Variants in CLTA observed in about 807,000 individuals in gnomAD.
CLTA encodes the protein clathrin, light polypeptide (Lca).
CLTA carries 9 observed loss-of-function variants against 26.9 expected under a neutral mutation model. The ratio of observed to expected loss-of-function variants is 0.33; its 90% CI spans 0.20 to 0.58. The LOEUF (loss-of-function observed/expected upper bound fraction) is 0.58, where lower values mean the gene tolerates loss of function less well. Ranked by LOEUF, CLTA falls within the 20% of genes least tolerant of loss-of-function variation. CLTA has a pLI of 0.85. For synonymous variants in CLTA, 120 were observed against 115.5 expected, an observed-to-expected ratio of 1.04 and a Z score of -0.25; for missense variants, 278 against 294.2, an observed-to-expected ratio of 0.94 and a Z score of 0.40.
intron 4 of CLTA, among the ~76,000 whole-genome samples, chr9:36,208,836 T>A (rs1271486062): frequency 6.6e-6 from 1 of 152,212 alleles, no homozygotes; most frequent in Non-Finnish European, 1.5e-5. Context: ...TCCTGAATGC[T>A]GCCACTGTGG....
chr9:36,199,036 T>A lies in CLTA; in HGVS notation c.313T>A (p.Ser105Thr), dbSNP rs1382617447. The A allele has an allele frequency of 6.2e-7, 1 of 1,614,086 alleles. No homozygotes were observed. The highest frequency in any genetic ancestry group is 1.1e-5 in the South Asian group (1 of 91,088). ...TATTTCACAAGTGGATCGATTGCAG[T>A]CAGAGCCTGAAAGTATCCGTAAATG... ...AAISQVDRLQSEPESIRKWRE... is the reference protein window; with the variant it reads ...AAISQVDRLQTEPESIRKWRE... The change falls in exon 3 of 5, where the codon TCA (serine) becomes ACA (threonine). Residue 105 changes from serine (S) to threonine (T), a missense_variant. Transcript: ENST00000345519.
At chr9:36,194,069 A>G (rs1257339775) in intron 1 of CLTA, among the ~76,000 whole-genome samples, 2 of 152,192 alleles carry the variant, frequency 1.3e-5, no homozygotes, top group Non-Finnish European at 1.5e-5. Context: ...TCTGTCACCC[A>G]GGCTGGAGTG....
At position 36,191,241 on chromosome 9, in the gene CLTA, C is replaced by A; in HGVS notation, c.185C>A (p.Pro62His). ...FAILDGGAPG[P>H]QPHGEPPGGP... ...ATCCTGGACGGCGGCGCCCCCGGGC[C>A]CCAGCCGCACGGCGAGCCGCCGGGG... Residue 62 changes from proline (P) to histidine (H), a missense_variant, in exon 1 of 5, where the codon CCC becomes CAC. Coordinates refer to ENST00000345519, the MANE Select transcript of CLTA (RefSeq NM_001833.4). 6.5e-7 allele frequency: 1 copy of A among 1,535,988 alleles called. No individual in the cohort carries two copies. The highest frequency in any genetic ancestry group is 8.7e-7 in the Non-Finnish European group (1 of 1,145,488).
intron 2 of CLTA, among the ~76,000 whole-genome samples, chr9:36,198,221 C>T (rs1827168075): frequency 6.6e-6 from 1 of 151,786 alleles, no homozygotes; most frequent in South Asian, 2.1e-4. Context: ...AGGTCTTGAA[C>T]TCCTGGGCTC....
intron 4 of CLTA, chr9:36,210,639 A>G (rs751965637): frequency 6.2e-7 from 1 of 1,613,994 alleles, no homozygotes; most frequent in Non-Finnish European, 8.5e-7. Flanking sequence ...AACATAAACC[A>G]TCCTTGCTAC....
chr9:36,210,405 AT>A (rs1427115370), intron 4 of CLTA, among the ~76,000 whole-genome samples: 1 of 151,968 alleles, frequency 6.6e-6, no homozygotes, highest in Non-Finnish European at 1.5e-5. Context: ...GTTTGATTTG[AT>A]TTCTGCACAT....
chr9:36,204,441 A>G (rs894928971), intron 4 of CLTA, among the ~76,000 whole-genome samples: 2 of 152,192 alleles, frequency 1.3e-5, no homozygotes, highest in African/African-American at 4.8e-5. Context: ...TGATTCAGCC[A>G]AGGGAAAAGT....
Position 36,207,693 on chromosome 9 carries a change from C to CTTG in CLTA, c.485+3516_485+3518dup, listed in dbSNP as rs1827803912. ...GCCTGCAACCTTGACAGGGGATGTGCTTGTCACTGAGGAGCTCTTTGGTCT... is the reference window on the plus strand; with the variant it reads ...GCCTGCAACCTTGACAGGGGATGTGCTTGTTGTCACTGAGGAGCTCTTTGGTCT... On this transcript the variant is annotated intron_variant, in intron 4 of 4. Transcript: ENST00000345519. 5.3e-5 allele frequency among the ~76,000 whole-genome samples: 8 copies of CTTG among 152,334 alleles called. No homozygotes were observed. In the South Asian group the frequency reaches 1.7e-3, roughly 32 times the overall value.
intron 3 of CLTA, among the ~76,000 whole-genome samples, chr9:36,199,816 G>GA (rs1481786007): frequency 1.3e-5 from 2 of 152,036 alleles, no homozygotes; most frequent in African/African-American, 4.8e-5. Context: ...GGTATGTTAG[G>GA]AAAAAATGTA....
At chr9:36,207,552 C>T (rs35651477) in intron 4 of CLTA, among the ~76,000 whole-genome samples, 19,939 of 152,244 alleles carry the variant, frequency 0.13, 1,411 homozygotes, top group Non-Finnish European at 0.15. Flanking sequence ...CTTCCCTCCC[C>T]TCTCCTAAGC....
chr9:36,206,795 T>A (rs1035275214), intron 4 of CLTA, among the ~76,000 whole-genome samples: 5 of 152,012 alleles, frequency 3.3e-5, no homozygotes, highest in African/African-American at 1.2e-4. Flanking sequence ...CTCGGGAGTC[T>A]GAGGCAGGAG....
chr9:36,211,477 T>C, intron 4 of CLTA, 126 bp from the exon 5 acceptor site: 1 of 1,327,092 alleles, frequency 7.5e-7, no homozygotes, highest in Non-Finnish European at 1.0e-6. Context: ...CAGGGGCTGT[T>C]ATCTTGGGAA....
intron 2 of CLTA, among the ~76,000 whole-genome samples, chr9:36,198,528 T>G (rs1587215986): frequency 6.6e-6 from 1 of 151,374 alleles, no homozygotes; most frequent in East Asian, 2.0e-4. Context: ...ATACAAAAAT[T>G]AACCAGGCGG....
chr9:36,207,300 A>G (rs1348591320), intron 4 of CLTA, among the ~76,000 whole-genome samples: 2 of 152,270 alleles, frequency 1.3e-5, no homozygotes, highest in Admixed American at 1.3e-4. Flanking sequence ...CCAGCCAGCC[A>G]GAGCAGTGAC....
intron 3 of CLTA, among the ~76,000 whole-genome samples, chr9:36,202,810 A>T (rs1387481963): frequency 6.6e-6 from 1 of 151,640 alleles, no homozygotes; most frequent in Non-Finnish European, 1.5e-5. Context: ...TAGCTATGAC[A>T]TGTATTTCTT....
At chr9:36,197,504 G>A in intron 1 of CLTA, 47 bp from the exon 2 acceptor site, 1 of 1,422,850 alleles carries the variant, frequency 7.0e-7, no homozygotes, top group Non-Finnish European at 9.9e-7. Flanking sequence ...CTTTGGCCCA[G>A]TGTTTGACCA....
chr9:36,200,925 T>C (rs1342653490), intron 3 of CLTA, among the ~76,000 whole-genome samples: 3 of 152,246 alleles, frequency 2.0e-5, no homozygotes, highest in African/African-American at 7.2e-5. Flanking sequence ...TTGTTCTTTG[T>C]GTCTCTTGAG....
At position 36,191,333 on chromosome 9, in the gene CLTA, G is replaced by C. The variant is rs964552930; in HGVS notation, c.217+60G>C. 2.8e-6 allele frequency: 4 copies of C among 1,439,068 alleles called. No individual in the cohort carries two copies. In the African/African-American group the frequency reaches 4.4e-5, roughly 16 times the overall value. The allele number at this position is 1,439,068 out of a possible 1,614,324, so 89.1% of individuals were successfully genotyped here. ...TGTCTGGAAACTCGGTCCACAGTGG[G>C]TCCGAGAGCTTCTGTGTGACTCGTG... On this transcript the variant is annotated intron_variant, in intron 1 of 4. Coordinates refer to ENST00000345519, the MANE Select transcript of CLTA (RefSeq NM_001833.4).
intron 2 of CLTA, among the ~76,000 whole-genome samples, chr9:36,198,052 A>G (rs1189970742): frequency 7.4e-6 from 1 of 135,128 alleles, no homozygotes; most frequent in Non-Finnish European, 1.5e-5. Context: ...GCTAGAGTGC[A>G]GTGGCACGAT....
Sources: allele counts gnomAD v4.1 joint callset (sites outside exome capture counted in the v4.1 genomes callset), GRCh38; gene constraint gnomAD v4.1.1; transcripts MANE v1.5; gene names NCBI Gene and HGNC (gene_info 2026-07-23, HGNC 2026-07-21).